RORB: variants seen among roughly 807,000 people sequenced by gnomAD.
RORB encodes the protein nuclear receptor ROR-beta.
RORB carries 6 observed loss-of-function variants against 59.1 expected under a neutral mutation model. The observed-to-expected ratio is 0.10, with a 90% CI of 0.06 to 0.20. The LOEUF (loss-of-function observed/expected upper bound fraction) is 0.20, where lower values mean the gene tolerates loss of function less well. RORB is among the 10% of genes least tolerant of loss of function. The pLI is 1.00. For missense variants in RORB, 320 were observed against 560.5 expected (o/e 0.57, Z 4.33); for synonymous variants, 215 against 204.5 (o/e 1.05, Z -0.44).
At chr9:74,522,215 A>T (rs1826093961) in intron 1 of RORB, among the ~76,000 whole-genome samples, 1 of 151,772 alleles carries the variant, frequency 6.6e-6, no homozygotes, top group Non-Finnish European at 1.5e-5. Flanking sequence ...TTACATTTTC[A>T]GCCCTCTAAA....
At chr9:74,589,301 G>T (rs145746212) in intron 1 of RORB, among the ~76,000 whole-genome samples, 61 of 152,270 alleles carry the variant, frequency 4.0e-4, no homozygotes, top group African/African-American at 1.4e-3. Context: ...AACTTTAAGT[G>T]TGTTCCTGTG....
intron 1 of RORB, among the ~76,000 whole-genome samples, chr9:74,563,365 T>C (rs1199809152): frequency 6.6e-6 from 1 of 152,036 alleles, no homozygotes; most frequent in Non-Finnish European, 1.5e-5. Context: ...TTTGTATTTT[T>C]AGAAGAGATG....
intron 1 of RORB, among the ~76,000 whole-genome samples, chr9:74,590,372 T>C (rs996659354): frequency 3.9e-5 from 6 of 152,178 alleles, no homozygotes; most frequent in Admixed American, 6.5e-5. Context: ...AGAAATACTT[T>C]ATTACTTATA....
At chr9:74,658,004 C>CAAAAAAAAAAAAAAAAAAAAA (rs60719147) in intron 4 of RORB, among the ~76,000 whole-genome samples, 1 of 97,830 alleles carries the variant, frequency 1.0e-5, no homozygotes, top group African/African-American at 4.5e-5. Context: ...GACTCGGTCT[C>CAAAAAAAAAAAAAAAAAAAAA]AAAAAAAAAA....
At chr9:74,510,520 A>G (rs968020597) in intron 1 of RORB, among the ~76,000 whole-genome samples, 1 of 152,122 alleles carries the variant, frequency 6.6e-6, no homozygotes, top group African/African-American at 2.4e-5. Context: ...TACAAAATGT[A>G]ATAGCAGTTA....
chr9:74,672,998 T>C (rs1824373514), intron 9 of RORB, among the ~76,000 whole-genome samples: 1 of 152,160 alleles, frequency 6.6e-6, no homozygotes, highest in Non-Finnish European at 1.5e-5. Flanking sequence ...CCTCCATGAG[T>C]TAAATATGCT....
chr9:74,651,641 G>A (rs1823994913), intron 4 of RORB, among the ~76,000 whole-genome samples: 1 of 152,090 alleles, frequency 6.6e-6, no homozygotes, highest in Admixed American at 6.5e-5. Context: ...TCCTCTTGCA[G>A]ATGGAGGATC....
At chr9:74,509,591 G>A (rs1249655667) in intron 1 of RORB, among the ~76,000 whole-genome samples, 1 of 151,976 alleles carries the variant, frequency 6.6e-6, no homozygotes, top group East Asian at 1.9e-4. Context: ...TAGTTTTTAT[G>A]CCTGTTAAGA....
intron 9 of RORB, among the ~76,000 whole-genome samples, chr9:74,677,667 G>C (rs1018671721): frequency 1.3e-5 from 2 of 152,130 alleles, no homozygotes; most frequent in Non-Finnish European, 2.9e-5. Context: ...CCGTCATTCT[G>C]TCTGAGCAAA....
intron 1 of RORB, among the ~76,000 whole-genome samples, chr9:74,562,849 T>C (rs1176497647): frequency 6.6e-6 from 1 of 152,202 alleles, no homozygotes; most frequent in Admixed American, 6.5e-5. Context: ...CACCCAGATT[T>C]CCCAATTATT....
chr9:74,560,570 A>G (rs1822382024), intron 1 of RORB, among the ~76,000 whole-genome samples: 1 of 152,070 alleles, frequency 6.6e-6, no homozygotes, highest in African/African-American at 2.4e-5. Flanking sequence ...GAAACATTTG[A>G]TATCTTTCCA....
intron 1 of RORB, among the ~76,000 whole-genome samples, chr9:74,623,793 C>T (rs957050549): frequency 3.3e-5 from 5 of 152,150 alleles, no homozygotes; most frequent in African/African-American, 9.7e-5. Flanking sequence ...ACCTGAATAA[C>T]GTCGGGTCCC....
At chr9:74,653,866 A>T (rs1824036155) in intron 4 of RORB, among the ~76,000 whole-genome samples, 1 of 152,202 alleles carries the variant, frequency 6.6e-6, no homozygotes. Flanking sequence ...GAGTGGTTGA[A>T]ATCAGAGCTG....
intron 4 of RORB, among the ~76,000 whole-genome samples, chr9:74,652,218 C>T (rs1300962929): frequency 6.6e-6 from 1 of 152,118 alleles, no homozygotes; most frequent in Non-Finnish European, 1.5e-5. Context: ...ACCAGACTGG[C>T]CAACATGGTG....
chr9:74,543,890 C>T (rs1826450968), intron 1 of RORB, among the ~76,000 whole-genome samples: 1 of 152,074 alleles, frequency 6.6e-6, no homozygotes, highest in Non-Finnish European at 1.5e-5. Flanking sequence ...AATATGAAAC[C>T]TAGTTTCATA....
At chr9:74,673,377 A>G (rs763221227) in intron 9 of RORB, among the ~76,000 whole-genome samples, 3 of 152,146 alleles carry the variant, frequency 2.0e-5, no homozygotes, top group Non-Finnish European at 2.9e-5. Flanking sequence ...AAGTTGGATG[A>G]AAATTCTCGC....
chr9:74,640,291 A>T (rs1823778337), intron 3 of RORB, among the ~76,000 whole-genome samples: 1 of 152,054 alleles, frequency 6.6e-6, no homozygotes, highest in South Asian at 2.1e-4. Flanking sequence ...CCCAGGCTGG[A>T]GTACAGTGGC....
chr9:74,546,119 T>C (rs1826484485), intron 1 of RORB, among the ~76,000 whole-genome samples: 1 of 152,176 alleles, frequency 6.6e-6, no homozygotes, highest in African/African-American at 2.4e-5. Context: ...GGGGATGATC[T>C]AGATAAAGCA....
chr9:74,556,534 G>T (rs2118179328), intron 1 of RORB, among the ~76,000 whole-genome samples: 1 of 152,244 alleles, frequency 6.6e-6, no homozygotes, highest in East Asian at 1.9e-4. Context: ...CAAGCAGATT[G>T]TTCAGGAAAC....
Sources: gnomAD v4.1 joint callset for allele counts (sites outside exome capture counted in the v4.1 genomes callset) on GRCh38, gnomAD v4.1.1 for gene constraint, MANE v1.5 for transcripts, NCBI Gene and HGNC (gene_info 2026-07-23, HGNC 2026-07-21) for gene names.